MAGI2: variants seen among roughly 807,000 people sequenced by gnomAD.
MAGI2 encodes membrane-associated guanylate kinase, WW and PDZ domain-containing protein 2.
A neutral mutation model predicts 133.3 loss-of-function variants in MAGI2; 35 were observed. That is an observed-to-expected ratio of 0.26 (90% confidence interval 0.20 to 0.35). The LOEUF is 0.35. Ranked by LOEUF, MAGI2 falls within the 10% of genes least tolerant of loss-of-function variation. The probability of loss-of-function intolerance (pLI) is 1.00; values close to 1 mark genes in which losing one functional copy is unlikely to be tolerated. For missense variants in MAGI2, 1,636 were observed against 1,863.4 expected (o/e 0.88, Z 2.25); for synonymous variants, 729 against 710.6 (o/e 1.03, Z -0.41).
chr7:78,660,283 T>TAA (rs960042227), intron 2 of MAGI2, among the ~76,000 whole-genome samples: 2 of 150,752 alleles, frequency 1.3e-5, no homozygotes, highest in East Asian at 3.9e-4. Context: ...ATAAAAATAA[T>TAA]AAAAAAAAAG....
intron 1 of MAGI2, among the ~76,000 whole-genome samples, chr7:79,209,618 A>G (rs1274779221): frequency 6.6e-6 from 1 of 152,024 alleles, no homozygotes; most frequent in Non-Finnish European, 1.5e-5. Flanking sequence ...AGGACAGCCA[A>G]CATCAAGGTT....
At chr7:79,206,570 C>T (rs11975078) in intron 1 of MAGI2, among the ~76,000 whole-genome samples, 7,379 of 151,654 alleles carry the variant, frequency 0.049, 500 homozygotes, top group African/African-American at 0.13. Context: ...TATTAAATGA[C>T]TAATAAAAAA....
chr7:78,806,730 G>C (rs562609288), intron 2 of MAGI2, among the ~76,000 whole-genome samples: 1 of 151,616 alleles, frequency 6.6e-6, no homozygotes, highest in Admixed American at 6.6e-5. Flanking sequence ...GCCAAGCATG[G>C]TGTTGCATGC....
chr7:78,632,935 C>T (rs1401527909), intron 2 of MAGI2, among the ~76,000 whole-genome samples: 3 of 152,154 alleles, frequency 2.0e-5, no homozygotes, highest in African/African-American at 7.2e-5. Flanking sequence ...TGTAAAGACA[C>T]GTGCACACGA....
chr7:78,668,112 G>T (rs321987), intron 2 of MAGI2, among the ~76,000 whole-genome samples: 15,851 of 152,152 alleles, frequency 0.1, 1,255 homozygotes, highest in East Asian at 0.39. Flanking sequence ...GTATCTCATT[G>T]TGGTTTTGAT....
chr7:79,257,721 G>A (rs1362143312), intron 1 of MAGI2, among the ~76,000 whole-genome samples: 2 of 152,080 alleles, frequency 1.3e-5, no homozygotes, highest in Non-Finnish European at 2.9e-5. Flanking sequence ...TAGACTTCCA[G>A]GTCACCAAGA....
chr7:79,417,913 A>G (rs1846652797), intron 1 of MAGI2, among the ~76,000 whole-genome samples: 1 of 152,132 alleles, frequency 6.6e-6, no homozygotes, highest in Non-Finnish European at 1.5e-5. Context: ...GATATCAAAA[A>G]TTCTAGGTAG....
At chr7:79,039,252 C>T (rs2116886207) in intron 1 of MAGI2, among the ~76,000 whole-genome samples, 1 of 152,196 alleles carries the variant, frequency 6.6e-6, no homozygotes, top group Middle Eastern at 3.4e-3. Flanking sequence ...ATGTTTGCTC[C>T]CACTTCCATC....
At chr7:78,763,794 T>A (rs958411438) in intron 2 of MAGI2, among the ~76,000 whole-genome samples, 1 of 152,200 alleles carries the variant, frequency 6.6e-6, no homozygotes, top group Non-Finnish European at 1.5e-5. Context: ...CCCAACCACT[T>A]AAATGGAAAC....
At chr7:79,154,298 G>A (rs1027657557) in intron 1 of MAGI2, among the ~76,000 whole-genome samples, 1 of 152,174 alleles carries the variant, frequency 6.6e-6, no homozygotes, top group African/African-American at 2.4e-5. Flanking sequence ...TGACAAAAGA[G>A]CAAAGAAAAC....
At chr7:78,525,346 G>T (rs1048636635) in intron 3 of MAGI2, among the ~76,000 whole-genome samples, 5 of 152,042 alleles carry the variant, frequency 3.3e-5, no homozygotes, top group African/African-American at 1.2e-4. Flanking sequence ...TAAGAACCAG[G>T]AAACCAGAAA....
intron 2 of MAGI2, among the ~76,000 whole-genome samples, chr7:78,788,116 T>G (rs1393037898): frequency 6.6e-6 from 1 of 152,250 alleles, no homozygotes; most frequent in African/African-American, 2.4e-5. Flanking sequence ...AGAATGGTTC[T>G]AGGTGACACC....
chr7:79,358,204 T>C (rs848952), intron 1 of MAGI2, among the ~76,000 whole-genome samples: 78,457 of 151,790 alleles, frequency 0.52, 22,218 homozygotes, highest in African/African-American at 0.76. Context: ...CACTTCCCCC[T>C]ACCCCTGCAC....
chr7:78,526,835 C>G (rs891524587), intron 3 of MAGI2, among the ~76,000 whole-genome samples: 1 of 151,460 alleles, frequency 6.6e-6, no homozygotes, highest in East Asian at 1.9e-4. Flanking sequence ...TGGTGAAACT[C>G]CATCTCTACT....
intron 1 of MAGI2, among the ~76,000 whole-genome samples, chr7:79,357,534 A>G (rs961137177): frequency 6.6e-6 from 1 of 152,214 alleles, no homozygotes; most frequent in Admixed American, 6.5e-5. Flanking sequence ...AATTTTAGAT[A>G]CAAAAAATAA....
chr7:78,969,504 G>C (rs531874007), intron 2 of MAGI2, among the ~76,000 whole-genome samples: 1 of 152,078 alleles, frequency 6.6e-6, no homozygotes, highest in South Asian at 2.1e-4. Context: ...ATATTTCCCC[G>C]GACAATGAAG....
intron 9 of MAGI2, among the ~76,000 whole-genome samples, chr7:78,321,138 GA>G (rs1787960731): frequency 6.6e-6 from 1 of 152,012 alleles, no homozygotes; most frequent in Admixed American, 6.6e-5. Context: ...ACAAATGGAA[GA>G]ACATTCTATA....
intron 1 of MAGI2, among the ~76,000 whole-genome samples, chr7:79,301,096 G>C (rs1196789757): frequency 6.6e-6 from 1 of 152,230 alleles, no homozygotes; most frequent in Non-Finnish European, 1.5e-5. Context: ...CAGGGGTGGA[G>C]CCCCCACAGA....
chr7:79,243,031 C>A (rs1832542304), intron 1 of MAGI2, among the ~76,000 whole-genome samples: 1 of 152,014 alleles, frequency 6.6e-6, no homozygotes, highest in African/African-American at 2.4e-5. Context: ...GCCTAGCCAA[C>A]ATGGTGAAAC....
Sources: gnomAD v4.1 joint callset for allele counts (sites outside exome capture counted in the v4.1 genomes callset) on GRCh38, gnomAD v4.1.1 for gene constraint, MANE v1.5 for transcripts, NCBI Gene and HGNC (gene_info 2026-07-23, HGNC 2026-07-21) for gene names.